The following CADPS variants were observed in gnomAD, a reference collection of about 807,000 sequenced individuals.
CADPS encodes calcium dependent secretion activator.
A neutral mutation model predicts 167.3 loss-of-function variants in CADPS; 57 were observed. The observed-to-expected ratio is 0.34, with a 90% CI of 0.28 to 0.42. CADPS has a LOEUF of 0.42. Among genes scored for constraint, CADPS ranks in the 20% least tolerant of loss-of-function variants. The probability of loss-of-function intolerance (pLI) is 1.00; values close to 1 mark genes in which losing one functional copy is unlikely to be tolerated. For synonymous variants in CADPS, 676 were observed against 635.3 expected (o/e 1.06, Z -0.96); for missense variants, 1,414 against 1,738.1 (o/e 0.81, Z 3.32).
chr3:62,608,342 G>C (rs1188820753), intron 6 of CADPS, among the ~76,000 whole-genome samples: 1 of 151,226 alleles, frequency 6.6e-6, no homozygotes, highest in Non-Finnish European at 1.5e-5. Flanking sequence ...GAGCATATTG[G>C]CACAATCTCG....
At chr3:62,447,783 T>C (rs554189881) in intron 26 of CADPS, among the ~76,000 whole-genome samples, 2 of 152,276 alleles carry the variant, frequency 1.3e-5, no homozygotes, top group South Asian at 4.2e-4. Flanking sequence ...CTCTCCAGAT[T>C]TTGCACAATT....
intron 1 of CADPS, among the ~76,000 whole-genome samples, chr3:62,861,245 T>C (rs1240419755): frequency 1.3e-5 from 2 of 152,216 alleles, no homozygotes; most frequent in East Asian, 3.9e-4. Context: ...CACAATGTTA[T>C]GCAGAAGAGT....
At chr3:62,622,126 G>C in intron 6 of CADPS, among the ~76,000 whole-genome samples, 1 of 152,068 alleles carries the variant, frequency 6.6e-6, no homozygotes, top group Non-Finnish European at 1.5e-5. Context: ...CTGGTTTCCT[G>C]GGTTGGTTTG....
intron 8 of CADPS, among the ~76,000 whole-genome samples, chr3:62,574,437 G>A (rs561257699): frequency 1.3e-5 from 2 of 152,196 alleles, no homozygotes; most frequent in Non-Finnish European, 1.5e-5. Context: ...TCAGGCAAGA[G>A]AGGTGATGGC....
At chr3:62,459,238 C>T (rs1158536283) in intron 26 of CADPS, among the ~76,000 whole-genome samples, 2 of 152,130 alleles carry the variant, frequency 1.3e-5, no homozygotes, top group Non-Finnish European at 2.9e-5. Flanking sequence ...GGAAGGTGGC[C>T]CTCAGCTCCA....
At chr3:62,674,725 A>G (rs1449013030) in intron 3 of CADPS, among the ~76,000 whole-genome samples, 1 of 152,212 alleles carries the variant, frequency 6.6e-6, no homozygotes, top group Non-Finnish European at 1.5e-5. Flanking sequence ...CTTATAATAT[A>G]CTGCATTGTG....
intron 4 of CADPS, among the ~76,000 whole-genome samples, chr3:62,654,293 C>A (rs1345041281): frequency 6.6e-6 from 1 of 152,092 alleles, no homozygotes; most frequent in Non-Finnish European, 1.5e-5. Context: ...CTTACAGCTA[C>A]TGGGGAGAAA....
chr3:62,565,794 C>T (rs1376052567), intron 9 of CADPS, among the ~76,000 whole-genome samples: 1 of 152,072 alleles, frequency 6.6e-6, no homozygotes, highest in Non-Finnish European at 1.5e-5. Context: ...ATCCTTTATC[C>T]CTGGCTAGTA....
intron 3 of CADPS, among the ~76,000 whole-genome samples, chr3:62,671,318 T>C (rs1291434592): frequency 6.6e-6 from 1 of 152,034 alleles, no homozygotes; most frequent in Non-Finnish European, 1.5e-5. Flanking sequence ...TCTTTATATC[T>C]GGGGCTGGGA....
chr3:62,436,538 T>C (rs1344141819), intron 28 of CADPS, among the ~76,000 whole-genome samples: 1 of 152,124 alleles, frequency 6.6e-6, no homozygotes, highest in African/African-American at 2.4e-5. Context: ...TATTGGATGG[T>C]GATTGTGCCC....
At chr3:62,454,264 C>T (rs1272813273) in intron 26 of CADPS, among the ~76,000 whole-genome samples, 2 of 152,198 alleles carry the variant, frequency 1.3e-5, no homozygotes, top group African/African-American at 4.8e-5. Flanking sequence ...TCAGATTTCT[C>T]ATGAACAATA....
intron 3 of CADPS, among the ~76,000 whole-genome samples, chr3:62,679,661 CTT>C (rs1467641597): frequency 6.6e-6 from 1 of 152,020 alleles, no homozygotes; most frequent in Non-Finnish European, 1.5e-5. Flanking sequence ...GTAAAATGAA[CTT>C]TGCCTTTCCC....
intron 1 of CADPS, among the ~76,000 whole-genome samples, chr3:62,869,664 C>G (rs1234230352): frequency 6.6e-6 from 1 of 152,096 alleles, no homozygotes; most frequent in African/African-American, 2.4e-5. Flanking sequence ...GCTTATTTGA[C>G]ATATATGTTA....
intron 1 of CADPS, among the ~76,000 whole-genome samples, chr3:62,859,488 G>A (rs180687043): frequency 8.6e-4 from 131 of 152,220 alleles, no homozygotes; most frequent in Admixed American, 7.8e-3. Context: ...GGACTAAATG[G>A]CAAATCTACA....
At chr3:62,845,216 G>A (rs1285040724) in intron 1 of CADPS, among the ~76,000 whole-genome samples, 3 of 152,168 alleles carry the variant, frequency 2.0e-5, no homozygotes. Context: ...GTCAGAGTCT[G>A]AGAGAACAAG....
intron 28 of CADPS, among the ~76,000 whole-genome samples, chr3:62,407,051 G>C (rs781216466): frequency 2.6e-5 from 4 of 152,060 alleles, no homozygotes; most frequent in Non-Finnish European, 5.9e-5. Flanking sequence ...ATGAAATCAT[G>C]CTCATAAAGC....
rs1326846259 is a variant in CADPS at position 62,759,834 on chromosome 3, C to G, written c.555+6037G>C. On this transcript the variant is annotated intron_variant, in intron 2 of 29. Coordinates refer to ENST00000383710, the MANE Select transcript of CADPS (RefSeq NM_003716.4). ...TTATAGTGGGCATGTTTTACTTTCA[C>G]GGTCATTTGAAACACATCTTTTCTA... Among the ~76,000 whole-genome samples, 5 of 152,028 alleles carry G rather than the reference C, an allele frequency of 3.3e-5. No homozygotes were observed. The East Asian group carries it at 9.6e-4, about 29-fold the overall frequency.
chr3:62,596,086 TATACACACACACACAC>T (rs1443789685), intron 6 of CADPS, among the ~76,000 whole-genome samples: 5 of 114,222 alleles, frequency 4.4e-5, no homozygotes, highest in Non-Finnish European at 8.7e-5. Flanking sequence ...TATATATATG[TATACACACACACACAC>T]ACACACACAC....
At chr3:62,648,607 G>A (rs542609429) in intron 5 of CADPS, among the ~76,000 whole-genome samples, 1 of 148,064 alleles carries the variant, frequency 6.8e-6, no homozygotes, top group South Asian at 2.1e-4. Flanking sequence ...GATCACTTGA[G>A]TCCAGGAAGT....
Sources: allele counts gnomAD v4.1 joint callset (sites outside exome capture counted in the v4.1 genomes callset), GRCh38; gene constraint gnomAD v4.1.1; transcripts MANE v1.5; gene names NCBI Gene and HGNC (gene_info 2026-07-23, HGNC 2026-07-21).